TMC1: variants seen among roughly 807,000 people sequenced by gnomAD.
TMC1 encodes the protein transmembrane channel-like protein 1.
A neutral mutation model predicts 105.8 loss-of-function variants in TMC1; 84 were observed. The ratio of observed to expected loss-of-function variants is 0.79; its 90% CI spans 0.67 to 0.95. The LOEUF (loss-of-function observed/expected upper bound fraction) is 0.95. TMC1 is among the 40% of genes least tolerant of loss of function. The pLI is 0.00. For synonymous variants in TMC1, 315 were observed against 311.5 expected (o/e 1.01, Z -0.12); for missense variants, 817 against 914.1 (o/e 0.89, Z 1.37).
At chr9:72,587,509 T>C (rs1824573728) in intron 2 of TMC1, among the ~76,000 whole-genome samples, 1 of 152,174 alleles carries the variant, frequency 6.6e-6, no homozygotes. Context: ...ATAATTATTT[T>C]CTTCCTCAAG....
intron 5 of TMC1, among the ~76,000 whole-genome samples, chr9:72,652,373 G>T (rs1825826948): frequency 6.6e-6 from 1 of 152,140 alleles, no homozygotes; most frequent in Admixed American, 6.6e-5. Context: ...AAATCACGTG[G>T]CTTCCTAGGG....
intron 4 of TMC1, among the ~76,000 whole-genome samples, chr9:72,633,723 C>T (rs766413442): frequency 6.6e-6 from 1 of 152,154 alleles, no homozygotes; most frequent in Non-Finnish European, 1.5e-5. Flanking sequence ...GGAATGAATT[C>T]TATTTCCTCC....
At chr9:72,729,291 A>AT (rs1827169328) in intron 8 of TMC1, among the ~76,000 whole-genome samples, 1 of 152,162 alleles carries the variant, frequency 6.6e-6, no homozygotes. Flanking sequence ...TAATCTAAAA[A>AT]ATATATATTT....
At chr9:72,727,061 A>G (rs1827137203) in intron 8 of TMC1, among the ~76,000 whole-genome samples, 3 of 152,228 alleles carry the variant, frequency 2.0e-5, no homozygotes, top group African/African-American at 7.2e-5. Context: ...ATGCTAGTAT[A>G]TCTAAGAATA....
chr9:72,706,854 AAC>A (rs1826750371), intron 8 of TMC1, among the ~76,000 whole-genome samples: 1 of 149,436 alleles, frequency 6.7e-6, no homozygotes, highest in African/African-American at 2.5e-5. Context: ...GGCTCACTGC[AAC>A]CTTTACCTGC....
intron 2 of TMC1, among the ~76,000 whole-genome samples, chr9:72,591,785 G>C (rs1301266027): frequency 6.6e-6 from 1 of 152,126 alleles, no homozygotes; most frequent in East Asian, 1.9e-4. Context: ...GCCCAGGCTG[G>C]TCTCAAATTC....
rs1377561812 is a variant in TMC1 at position 72,706,162 on chromosome 9, T to C, written c.362+5519T>C. 2.0e-5 allele frequency among the ~76,000 whole-genome samples: 3 copies of C among 152,216 alleles called. No homozygotes were observed. The East Asian group carries it at 5.8e-4, about 29-fold the overall frequency. On this transcript the variant is annotated intron_variant, in intron 8 of 23. Transcript: ENST00000297784. ...TGGTTGATTTCCTCTAATGGAGCTG[T>C]TGGGAAAACTTTGGGAAAACTATTT...
In TMC1 at chr9:72,788,360, T is replaced by G. The variant is rs763351588; in HGVS notation, c.906T>G (p.Asp302Glu). The G allele has an allele frequency of 6.2e-7, 1 of 1,614,000 alleles. No individual in the cohort carries two copies. Among genetic ancestry groups the G allele is most frequent in the Non-Finnish European group, 8.5e-7 (1 of 1,179,906 alleles). The change falls in exon 14 of 24, where the codon GAT (aspartate) becomes GAG (glutamate). Residue 302 changes from aspartate to glutamate, a missense_variant. Asp to Glu is a conservative substitution (Grantham distance 45). Coordinates refer to ENST00000297784, the MANE Select transcript of TMC1 (RefSeq NM_138691.3). ...GCAGAATGACCAAAAACATTGGTGA[T>G]GATGGAGGTGGAGATGACAACACTT... The part of the protein sequence containing the change: ...VLKAMTKNIG[D>E]DGGGDDNTFN...
chr9:72,671,635 A>G (rs1826128251), intron 5 of TMC1, among the ~76,000 whole-genome samples: 1 of 152,188 alleles, frequency 6.6e-6, no homozygotes, highest in Non-Finnish European at 1.5e-5. Flanking sequence ...TAGGGACATG[A>G]GCATCCATTA....
At chr9:72,625,687 CAA>C (rs554543865) in intron 3 of TMC1, among the ~76,000 whole-genome samples, 3 of 70,712 alleles carry the variant, frequency 4.2e-5, no homozygotes, top group Non-Finnish European at 5.9e-5. Context: ...GACTCTGTCT[CAA>C]AAAAAAAAAA....
At chr9:72,523,521 T>C (rs1009418891) in intron 1 of TMC1, among the ~76,000 whole-genome samples, 2 of 152,190 alleles carry the variant, frequency 1.3e-5, no homozygotes, top group Non-Finnish European at 2.9e-5. Flanking sequence ...AAAATGCTAT[T>C]AAGAAAATTG....
chr9:72,630,572 G>A (rs1052815266), intron 4 of TMC1, among the ~76,000 whole-genome samples: 2 of 152,102 alleles, frequency 1.3e-5, no homozygotes, highest in Non-Finnish European at 2.9e-5. Context: ...GCAACTTAAT[G>A]TGTCATTAAA....
Position 72,648,592 on chromosome 9 carries a change from T to C in TMC1, c.-52-5T>C. 1 of 1,525,992 alleles carries C rather than the reference T, an allele frequency of 6.6e-7. No homozygotes were observed. Among genetic ancestry groups the C allele is most frequent in the Non-Finnish European group, 9.1e-7 (1 of 1,099,754 alleles). 94.5% of individuals were successfully genotyped at this position (1,525,992 alleles called of 1,614,324 possible). A position where few individuals can be genotyped will look rare whatever the true frequency, so the allele number is the denominator to read the frequency against. On this transcript the variant is annotated splice_polypyrimidine_tract_variant and splice_region_variant and intron_variant, in intron 4 of 23. Transcript: ENST00000297784. ...ACCTGAAATATTTGTTCCTTCATCC[T>C]GCAGTCCCTCTCCAAACTAGCCAGC...
intron 7 of TMC1, among the ~76,000 whole-genome samples, chr9:72,698,640 A>G (rs1826590861): frequency 6.6e-6 from 1 of 152,194 alleles, no homozygotes; most frequent in Non-Finnish European, 1.5e-5. Flanking sequence ...GAGAACACTA[A>G]AGTATCATAG....
chr9:72,790,415 A>G (rs998937510), intron 15 of TMC1, among the ~76,000 whole-genome samples: 2 of 152,184 alleles, frequency 1.3e-5, no homozygotes, highest in African/African-American at 4.8e-5. Flanking sequence ...TGTAAAATAT[A>G]AGTAATTTAG....
At position 72,820,436 on chromosome 9, in the gene TMC1, GTTAA is replaced by G. The variant is rs1180029394; in HGVS notation, c.1764-402_1764-399del. Among the ~76,000 whole-genome samples the G allele has an allele frequency of 5.3e-5, 8 of 152,090 alleles. No homozygotes were observed. The East Asian group carries it at 9.6e-4, about 18-fold the overall frequency. ...TTGAGTAGAAGAAGTGACTTTAAGGGTTAATTATTTTTAACAAGTTATATTTATA... is the reference window on the plus strand; with the variant it reads ...TTGAGTAGAAGAAGTGACTTTAAGGGTTATTTTTAACAAGTTATATTTATA... On this transcript the variant is annotated intron_variant, in intron 19 of 23. Transcript: ENST00000297784.
Position 72,745,444 on chromosome 9 carries a change from G to T in TMC1, c.535+2919G>T, listed in dbSNP as rs184487256. On this transcript the variant is annotated intron_variant, in intron 10 of 23. Coordinates refer to ENST00000297784, the MANE Select transcript of TMC1 (RefSeq NM_138691.3). ...ATAAAAAGTATTCTACGAGGCCGAT[G>T]GCAGGATGAGTAGTTATAGATTTTC... Among the ~76,000 whole-genome samples, 3 of 152,192 alleles carry T rather than the reference G, an allele frequency of 2.0e-5. No homozygotes were observed. The East Asian group carries it at 5.8e-4, about 29-fold the overall frequency.
chr9:72,724,385 C>T (rs986074130), intron 8 of TMC1, among the ~76,000 whole-genome samples: 1 of 152,168 alleles, frequency 6.6e-6, no homozygotes, highest in African/African-American at 2.4e-5. Context: ...GATACTAGCC[C>T]ACTCTCATGG....
chr9:72,620,517 C>A (rs1825230651), intron 3 of TMC1, among the ~76,000 whole-genome samples: 1 of 152,156 alleles, frequency 6.6e-6, no homozygotes, highest in African/African-American at 2.4e-5. Flanking sequence ...TCTCAAAGTG[C>A]TGGCATTACA....
Sources: gnomAD v4.1 joint callset for allele counts (sites outside exome capture counted in the v4.1 genomes callset) on GRCh38, gnomAD v4.1.1 for gene constraint, MANE v1.5 for transcripts, NCBI Gene and HGNC (gene_info 2026-07-23, HGNC 2026-07-21) for gene names.